GRIP1: variants seen among roughly 807,000 people sequenced by gnomAD.
GRIP1 encodes the protein glutamate receptor interacting protein 1.
GRIP1 carries 45 observed loss-of-function variants against 129.9 expected under a neutral mutation model. The observed-to-expected ratio is 0.35, with a 90% CI of 0.27 to 0.44. GRIP1 has a LOEUF of 0.44. Ranked by LOEUF, GRIP1 falls within the 20% of genes least tolerant of loss-of-function variation. The pLI is 1.00. For missense variants in GRIP1, 1,196 were observed against 1,396.8 expected (o/e 0.86, Z 2.29); for synonymous variants, 530 against 520.8 (o/e 1.02, Z -0.24).
intron 1 of GRIP1, among the ~76,000 whole-genome samples, chr12:66,874,587 A>G (rs1326009247): frequency 2.0e-5 from 3 of 152,096 alleles, no homozygotes; most frequent in Non-Finnish European, 4.4e-5. Context: ...GAAACTTACA[A>G]TCATGGAAGA....
intron 16 of GRIP1, among the ~76,000 whole-genome samples, chr12:66,398,614 G>A (rs921336407): frequency 1.3e-5 from 2 of 151,970 alleles, no homozygotes; most frequent in African/African-American, 4.8e-5. Flanking sequence ...CAGCTTCTGT[G>A]CATTCTTCTG....
intron 1 of GRIP1, among the ~76,000 whole-genome samples, chr12:66,856,856 A>C (rs2040014361): frequency 6.6e-6 from 1 of 152,100 alleles, no homozygotes; most frequent in Non-Finnish European, 1.5e-5. Flanking sequence ...CATTTGACCC[A>C]GCCATCCCAT....
intron 14 of GRIP1, among the ~76,000 whole-genome samples, chr12:66,421,984 A>G (rs1413757478): frequency 6.6e-6 from 1 of 152,188 alleles, no homozygotes; most frequent in East Asian, 1.9e-4. Flanking sequence ...ACATTTGTGA[A>G]AAACAATTTG....
At chr12:66,927,511 C>A (rs1592354257) in intron 1 of GRIP1, among the ~76,000 whole-genome samples, 1 of 152,128 alleles carries the variant, frequency 6.6e-6, no homozygotes, top group Non-Finnish European at 1.5e-5. Context: ...TTTTGAAACA[C>A]AGTAGGAACA....
intron 1 of GRIP1, among the ~76,000 whole-genome samples, chr12:66,901,020 A>G (rs768897010): frequency 6.6e-6 from 1 of 152,228 alleles, no homozygotes; most frequent in Non-Finnish European, 1.5e-5. Flanking sequence ...GTAGAGATAC[A>G]TGAATGAAAA....
At chr12:66,433,208 G>T (rs1434485057) in intron 13 of GRIP1, among the ~76,000 whole-genome samples, 2 of 152,100 alleles carry the variant, frequency 1.3e-5, no homozygotes, top group Non-Finnish European at 2.9e-5. Context: ...GCCTTAATTT[G>T]TAATGTGAAA....
chr12:66,941,984 T>A (rs146755974), intron 1 of GRIP1, among the ~76,000 whole-genome samples: 119 of 152,318 alleles, frequency 7.8e-4, no homozygotes, highest in African/African-American at 2.8e-3. Context: ...CATAGAGGAA[T>A]CAATAAAACA....
At chr12:67,029,780 G>A (rs2042994488) in intron 1 of GRIP1, among the ~76,000 whole-genome samples, 1 of 151,896 alleles carries the variant, frequency 6.6e-6, no homozygotes, top group Non-Finnish European at 1.5e-5. Context: ...TGATACTGCA[G>A]GCAATATCTA....
chr12:66,370,287 A>C (rs1436725264), intron 23 of GRIP1, among the ~76,000 whole-genome samples: 1 of 152,172 alleles, frequency 6.6e-6, no homozygotes, highest in East Asian at 1.9e-4. Context: ...CAGTCTCCTC[A>C]TTAGACTCCG....
chr12:66,855,574 A>T (rs1191074182), intron 1 of GRIP1, among the ~76,000 whole-genome samples: 1 of 152,116 alleles, frequency 6.6e-6, no homozygotes, highest in Non-Finnish European at 1.5e-5. Context: ...TTCAAAGATC[A>T]AAGCATTTAT....
intron 1 of GRIP1, among the ~76,000 whole-genome samples, chr12:66,823,881 T>C (rs2039364140): frequency 1.3e-5 from 2 of 152,272 alleles, no homozygotes; most frequent in Non-Finnish European, 2.9e-5. Flanking sequence ...AAAATTCTTA[T>C]CAATTGAACA....
chr12:66,626,233 G>GCC (rs2030022613), intron 1 of GRIP1, among the ~76,000 whole-genome samples: 1 of 151,402 alleles, frequency 6.6e-6, no homozygotes, highest in Non-Finnish European at 1.5e-5. Flanking sequence ...CCAGCTACTT[G>GCC]GGAGGCTGAG....
rs1217607540 is a variant in GRIP1 at position 66,392,977 on chromosome 12, C to T, written c.2130-161G>A. Reference sequence around the variant, plus strand: ...CCTGGGCAATGTTATAAGATAACTGCATCTGTTGTGGATTACTTTTTAGTT... The same window carrying T: ...CCTGGGCAATGTTATAAGATAACTGTATCTGTTGTGGATTACTTTTTAGTT... On this transcript the variant is annotated intron_variant, in intron 17 of 24. Coordinates refer to ENST00000359742, the MANE Select transcript of GRIP1 (RefSeq NM_001366722.1). Among the ~76,000 whole-genome samples the T allele has an allele frequency of 7.9e-5, 12 of 152,164 alleles. No individual in the cohort carries two copies. In the South Asian group the frequency reaches 8.3e-4, roughly 11 times the overall value.
intron 6 of GRIP1, among the ~76,000 whole-genome samples, 187 bp from the exon 7 acceptor site, chr12:66,515,951 A>G (rs1340460937): frequency 6.6e-6 from 1 of 152,184 alleles, no homozygotes; most frequent in African/African-American, 2.4e-5. Flanking sequence ...TTGCTGTAAT[A>G]TGAAAATCAG....
At chr12:66,562,751 G>A (rs770747892) in intron 2 of GRIP1, among the ~76,000 whole-genome samples, 27 of 152,094 alleles carry the variant, frequency 1.8e-4, no homozygotes, top group Non-Finnish European at 1.5e-4. Context: ...ACCCCCTGCC[G>A]CACAGTTGAA....
intron 11 of GRIP1, among the ~76,000 whole-genome samples, chr12:66,447,345 C>T (rs1220772915): frequency 6.6e-6 from 1 of 152,176 alleles, no homozygotes; most frequent in Non-Finnish European, 1.5e-5. Context: ...CTGAAGGGTG[C>T]TAGGAAAAGT....
At chr12:66,716,861 C>T (rs557724168) in intron 1 of GRIP1, among the ~76,000 whole-genome samples, 54 of 152,058 alleles carry the variant, frequency 3.6e-4, no homozygotes, top group African/African-American at 1.3e-3. Flanking sequence ...CTCCATGGTC[C>T]CCAACTCTTA....
At chr12:66,498,259 C>T (rs533008071) in intron 7 of GRIP1, among the ~76,000 whole-genome samples, 16 of 152,194 alleles carry the variant, frequency 1.1e-4, no homozygotes, top group African/African-American at 3.6e-4. Context: ...TGGAGTGGGA[C>T]AAATAAAAGA....
chr12:66,360,523 A>G (rs1484875809), intron 23 of GRIP1, among the ~76,000 whole-genome samples: 1 of 152,196 alleles, frequency 6.6e-6, no homozygotes, highest in African/African-American at 2.4e-5. Flanking sequence ...GCTTCTCGGA[A>G]CATAACACTC....
Sources: allele counts gnomAD v4.1 joint callset (sites outside exome capture counted in the v4.1 genomes callset), GRCh38; gene constraint gnomAD v4.1.1; transcripts MANE v1.5; gene names NCBI Gene and HGNC (gene_info 2026-07-23, HGNC 2026-07-21).